Variants in HMBOX1 observed in about 807,000 individuals in gnomAD.
HMBOX1 encodes homeobox-containing protein 1.
HMBOX1 carries 14 observed loss-of-function variants against 54.5 expected under a neutral mutation model. The observed-to-expected ratio is 0.26, with a 90% CI of 0.17 to 0.40. The LOEUF is 0.40. Among genes scored for constraint, HMBOX1 ranks in the 10% least tolerant of loss-of-function variants. The pLI is 1.00. For synonymous variants in HMBOX1, 160 were observed against 181.0 expected (o/e 0.88, Z 0.93); for missense variants, 332 against 514.4 (o/e 0.65, Z 3.43).
At chr8:29,043,826 A>C (rs13262991) in intron 6 of HMBOX1, among the ~76,000 whole-genome samples, 65,533 of 151,948 alleles carry the variant, frequency 0.43, 15,483 homozygotes, top group Non-Finnish European at 0.53. Flanking sequence ...TAGAAATGTG[A>C]AAGTGAAGCA....
chr8:28,899,157 C>G (rs989930130), intron 1 of HMBOX1, among the ~76,000 whole-genome samples: 1 of 152,172 alleles, frequency 6.6e-6, no homozygotes, highest in African/African-American at 2.4e-5. Context: ...ACTATAAGAA[C>G]TAGCTAGGAT....
At chr8:28,965,267 A>G (rs894266783) in intron 2 of HMBOX1, among the ~76,000 whole-genome samples, 4 of 152,218 alleles carry the variant, frequency 2.6e-5, no homozygotes, top group African/African-American at 4.8e-5. Flanking sequence ...CACCTAACTT[A>G]TATCTCCCTT....
chr8:29,024,839 C>A (rs2133085432), intron 6 of HMBOX1, among the ~76,000 whole-genome samples: 2 of 152,288 alleles, frequency 1.3e-5, no homozygotes, highest in East Asian at 3.9e-4. Flanking sequence ...GACCTCCACA[C>A]AGTAGGAGGC....
rs566455173 is a variant in HMBOX1 at position 28,924,464 on chromosome 8, T to G, written c.-58+33786T>G. Among the ~76,000 whole-genome samples, 559 of 151,280 alleles carry G rather than the reference T, an allele frequency of 3.7e-3. 1 individual carries two copies. Among genetic ancestry groups the G allele is most frequent in the Non-Finnish European group, 6.0e-3 (406 of 67,744 alleles). ...CAATTTATCTAATTTTTTTTTTTTT[T>G]TTTTTGGTTACCTGTGCTTTTGGTG... is the stretch of plus-strand genomic sequence containing the variant. On this transcript the variant is annotated intron_variant, in intron 1 of 9. Coordinates refer to ENST00000287701, the MANE Select transcript of HMBOX1 (RefSeq NM_001135726.3).
intron 5 of HMBOX1, among the ~76,000 whole-genome samples, chr8:29,017,931 G>A (rs1243501036): frequency 1.3e-5 from 2 of 152,138 alleles, no homozygotes; most frequent in African/African-American, 4.8e-5. Flanking sequence ...GTTCTAACAT[G>A]TCTTTCTACA....
intron 1 of HMBOX1, among the ~76,000 whole-genome samples, chr8:28,962,405 A>C (rs1825760771): frequency 6.6e-6 from 1 of 152,048 alleles, no homozygotes. Context: ...AAGTTGTCAA[A>C]GGATCCCCTC....
intron 4 of HMBOX1, among the ~76,000 whole-genome samples, chr8:28,980,997 G>C (rs866482674): frequency 3.9e-5 from 6 of 152,068 alleles, no homozygotes; most frequent in South Asian, 2.1e-4. Flanking sequence ...TAGCCTCTGT[G>C]CCTCAGTTTT....
rs752249242 is a variant in HMBOX1 at position 29,051,166 on chromosome 8, T to G, written c.*11T>G. On this transcript the variant is annotated 3_prime_UTR_variant, in exon 10 of 10. Transcript: ENST00000287701. ...CTGGATGATGACTGATCAGGGAGGTTAAACATGACAAGTTAACTTAGTTTA... is the reference window on the plus strand; with the variant it reads ...CTGGATGATGACTGATCAGGGAGGTGAAACATGACAAGTTAACTTAGTTTA... 6.2e-7 allele frequency: 1 copy of G among 1,613,190 alleles called. No homozygotes were observed. Among genetic ancestry groups the G allele is most frequent in the East Asian group, 2.2e-5 (1 of 44,882 alleles).
chr8:28,953,207 A>G (rs1212899322), intron 1 of HMBOX1, among the ~76,000 whole-genome samples: 1 of 152,184 alleles, frequency 6.6e-6, no homozygotes, highest in African/African-American at 2.4e-5. Flanking sequence ...TTCATATTTC[A>G]ATCATCATTT....
At chr8:29,002,900 G>A (rs1310934741) in intron 4 of HMBOX1, among the ~76,000 whole-genome samples, 2 of 151,894 alleles carry the variant, frequency 1.3e-5, no homozygotes, top group Non-Finnish European at 2.9e-5. Context: ...TTTAAAATTC[G>A]CTTTTCTCTT....
At chr8:29,050,124 A>T (rs1027443050) in intron 9 of HMBOX1, 1 of 398,826 alleles carries the variant, frequency 2.5e-6, no homozygotes, top group African/African-American at 2.2e-5. Flanking sequence ...CTACCCACAT[A>T]GATGGATCAT....
chr8:29,046,944 C>T (rs1350030695), intron 7 of HMBOX1, among the ~76,000 whole-genome samples: 2 of 152,088 alleles, frequency 1.3e-5, no homozygotes, highest in East Asian at 1.9e-4. Flanking sequence ...ATTGCACCAC[C>T]GCATTCCAGC....
At chr8:29,032,925 T>A (rs1803236002) in intron 6 of HMBOX1, among the ~76,000 whole-genome samples, 1 of 129,728 alleles carries the variant, frequency 7.7e-6, no homozygotes, top group Non-Finnish European at 1.9e-5. Flanking sequence ...CGATGATTGA[T>A]AATAATAATC....
chr8:29,044,848 C>G (rs1805347463), intron 6 of HMBOX1, among the ~76,000 whole-genome samples: 1 of 152,054 alleles, frequency 6.6e-6, no homozygotes, highest in African/African-American at 2.4e-5. Context: ...GTATAGATAT[C>G]CCATAATTTG....
intron 7 of HMBOX1, 127 bp downstream of exon 7, chr8:29,045,570 C>A (rs979036721): frequency 1.4e-6 from 1 of 716,136 alleles, no homozygotes; most frequent in Non-Finnish European, 2.4e-6. Context: ...GCCATCCTTC[C>A]GCAGGTGGCC....
chr8:29,047,564 CTTTTTTTTTTTT>C (rs33978272), intron 8 of HMBOX1, 111 bp downstream of exon 8: 1 of 288,926 alleles, frequency 3.5e-6, no homozygotes, highest in Admixed American at 5.6e-5. Flanking sequence ...CCTAACTTCT[CTTTTTTTTTTTT>C]TTTTTTTTGA....
intron 1 of HMBOX1, among the ~76,000 whole-genome samples, chr8:28,905,852 ACTT>A (rs999684616): frequency 1.3e-5 from 2 of 152,150 alleles, no homozygotes; most frequent in African/African-American, 2.4e-5. Context: ...CATTTCTTAA[ACTT>A]CTTTAAAATA....
chr8:28,991,001 G>T (rs370826773), intron 4 of HMBOX1, among the ~76,000 whole-genome samples: 2 of 151,768 alleles, frequency 1.3e-5, no homozygotes, highest in Admixed American at 1.3e-4. Context: ...TCATAATAAC[G>T]TTGGCCTCAT....
intron 3 of HMBOX1, among the ~76,000 whole-genome samples, chr8:28,975,299 G>A (rs529554531): frequency 3.3e-4 from 51 of 152,312 alleles, no homozygotes; most frequent in South Asian, 2.9e-3. Context: ...ATTAGCATGC[G>A]AGTAGTAGTA....
Sources: gnomAD v4.1 joint callset for allele counts (sites outside exome capture counted in the v4.1 genomes callset) on GRCh38, gnomAD v4.1.1 for gene constraint, MANE v1.5 for transcripts, NCBI Gene and HGNC (gene_info 2026-07-23, HGNC 2026-07-21) for gene names.